Variants in ELMO2 observed in about 807,000 individuals in gnomAD.
The protein encoded by ELMO2 is engulfment and cell motility protein 2.
In ELMO2, 37 loss-of-function variants were observed where a neutral mutation model predicts 96.2. The observed-to-expected ratio is 0.38, with a 90% CI of 0.30 to 0.51. The LOEUF (loss-of-function observed/expected upper bound fraction) is 0.51. Among genes scored for constraint, ELMO2 ranks in the 20% least tolerant of loss-of-function variants. ELMO2 has a pLI of 0.88. For synonymous variants in ELMO2, 315 were observed against 329.4 expected (o/e 0.96, Z 0.47); for missense variants, 561 against 912.6 (o/e 0.61, Z 4.96).
chr20:46,399,889 G>A (rs1052546815), intron 1 of ELMO2, among the ~76,000 whole-genome samples: 5 of 152,182 alleles, frequency 3.3e-5, no homozygotes, highest in Non-Finnish European at 5.9e-5. Context: ...TTGGCTGGGC[G>A]CAGTGGCTCA....
At chr20:46,373,877 CA>C (rs1164210713) in intron 15 of ELMO2, among the ~76,000 whole-genome samples, 1 of 147,346 alleles carries the variant, frequency 6.8e-6, no homozygotes, top group Non-Finnish European at 1.5e-5. Flanking sequence ...TGATTTAAAA[CA>C]AAAAACAAAA....
rs760666181 is a variant in ELMO2, at chr20:46,389,184, A to C, written c.280T>G (p.Ser94Ala). The part of the protein sequence containing the change: ...AARQLMERTQ[S>A]SNMETRLDAM... The stretch of plus-strand genomic sequence containing the variant: ...TCCAGCCGGGTCTCCATGTTGGATG[A>C]CTGGGTCCTCTCCATCAGCTGGCGT... Residue 94 changes from serine to alanine, a missense_variant, in exon 7 of 22, where the codon TCA becomes GCA. Transcript: ENST00000290246. 1 of 1,614,020 alleles carries C rather than the reference A, an allele frequency of 6.2e-7. No individual in the cohort carries two copies. Among genetic ancestry groups the C allele is most frequent in the Non-Finnish European group, 8.5e-7 (1 of 1,180,016 alleles).
chr20:46,374,285 C>T (rs756081172), intron 15 of ELMO2, 47 bp downstream of exon 15: 2 of 1,515,510 alleles, frequency 1.3e-6, no homozygotes, highest in Non-Finnish European at 9.1e-7. Context: ...TCACTGAGCT[C>T]TTGATGACAA....
At chr20:46,380,820 T>C (rs1182070607) in intron 10 of ELMO2, among the ~76,000 whole-genome samples, 4 of 152,242 alleles carry the variant, frequency 2.6e-5, no homozygotes, top group Non-Finnish European at 5.9e-5. Flanking sequence ...GATTCCGTTC[T>C]AACTGGCTTA....
rs757334097 is a variant in ELMO2, at chr20:46,389,085, T to C, written c.379A>G (p.Ile127Val). ...CTTTCCACGAGCCTTGTCAGCACAA[T>C]GATGCCATCCATGTTGATGAACTCA... ...ATEFINMDGI[I>V]VLTRLVESGT... Residue 127 changes from isoleucine (I) to valine (V), a missense_variant, in exon 7 of 22, where the codon ATT (isoleucine) becomes GTT (valine). Ile to Val is a conservative substitution (Grantham distance 29). Transcript: ENST00000290246. The C allele has an allele frequency of 3.1e-6, 5 of 1,614,202 alleles. No homozygotes were observed. The highest frequency in any genetic ancestry group is 4.2e-6 in the Non-Finnish European group (5 of 1,180,010).
intron 8 of ELMO2, among the ~76,000 whole-genome samples, 178 bp downstream of exon 8, chr20:46,387,160 A>G (rs1020592055): frequency 6.6e-6 from 1 of 152,172 alleles, no homozygotes; most frequent in African/African-American, 2.4e-5. Context: ...CCCTGAGAAT[A>G]TAACAAAATG....
chr20:46,373,330 G>A (rs2059769980), intron 16 of ELMO2, 69 bp downstream of exon 16: 9 of 1,588,478 alleles, frequency 5.7e-6, no homozygotes, highest in Non-Finnish European at 7.7e-6. Flanking sequence ...CCAGGTGCCA[G>A]CCAGCTGTCA....
chr20:46,393,063 A>G, intron 6 of ELMO2, 30 bp downstream of exon 6: 1 of 1,607,138 alleles, frequency 6.2e-7, no homozygotes, highest in South Asian at 1.1e-5. Context: ...TGTGACATGA[A>G]TAAACTCCTA....
At chr20:46,382,428 C>T (rs2059973364) in intron 10 of ELMO2, among the ~76,000 whole-genome samples, 1 of 152,184 alleles carries the variant, frequency 6.6e-6, no homozygotes, top group African/African-American at 2.4e-5. Flanking sequence ...TACATGATCC[C>T]ACTTGAATTT....
At chr20:46,387,494 G>C in intron 7 of ELMO2, 57 bp from the exon 8 acceptor site, 8 of 1,411,002 alleles carry the variant, frequency 5.7e-6, no homozygotes, top group Non-Finnish European at 8.0e-6. Context: ...GGGAAACACA[G>C]GTGTGAGGGC....
In ELMO2 at chr20:46,371,334, A is replaced by C. The variant is rs747289173; in HGVS notation, c.1801+18T>G. ...CAAGTCCAGCAACCATGACACATCA[A>C]CAGAGAAATGAACCTACTTTTCTCC... On this transcript the variant is annotated intron_variant, in intron 19 of 21. Coordinates refer to ENST00000290246, the MANE Select transcript of ELMO2 (RefSeq NM_133171.5). The surrounding 1 kb of genome is among the most constrained non-coding windows in gnomAD (Gnocchi z 5.9). 1.9e-6 allele frequency: 3 copies of C among 1,611,718 alleles called. No homozygotes were observed. Among genetic ancestry groups the C allele is most frequent in the Non-Finnish European group, 2.5e-6 (3 of 1,177,892 alleles).
At chr20:46,401,685 C>T (rs571551646) in intron 1 of ELMO2, among the ~76,000 whole-genome samples, 17 of 152,192 alleles carry the variant, frequency 1.1e-4, no homozygotes, top group Non-Finnish European at 2.4e-4. Context: ...CATGTTCTCA[C>T]CAGACCACCT....
intron 13 of ELMO2, 71 bp from the exon 14 acceptor site, chr20:46,374,711 T>C (rs879533562): frequency 2.6e-5 from 35 of 1,340,568 alleles, no homozygotes; most frequent in Non-Finnish European, 3.5e-5. Context: ...GGGGATGCCC[T>C]CTCGCCTCTC....
Position 46,367,037 on chromosome 20 carries a change from G to A in ELMO2, c.*323C>T, listed in dbSNP as rs973141407. On this transcript the variant is annotated 3_prime_UTR_variant, in exon 22 of 22. Coordinates refer to ENST00000290246, the MANE Select transcript of ELMO2 (RefSeq NM_133171.5). ...CAGAGAGCAGGCTCAGGAGGAAAAG[G>A]TGAGTGGCTGTTGTTAAATCCATTT... 4.6e-6 allele frequency: 1 copy of A among 217,384 alleles called. No individual in the cohort carries two copies. The highest frequency in any genetic ancestry group is 9.0e-6 in the Non-Finnish European group (1 of 111,164). 13.5% of individuals were successfully genotyped at this position (217,384 alleles called of 1,614,324 possible).
At chr20:46,403,154 A>G (rs1055235314) in intron 1 of ELMO2, among the ~76,000 whole-genome samples, 4 of 152,262 alleles carry the variant, frequency 2.6e-5, no homozygotes, top group Non-Finnish European at 5.9e-5. Context: ...CCAACACAGT[A>G]AGCCCTACCT....
intron 6 of ELMO2, among the ~76,000 whole-genome samples, chr20:46,389,885 T>C (rs2060121310): frequency 6.6e-6 from 1 of 151,918 alleles, no homozygotes; most frequent in Non-Finnish European, 1.5e-5. Flanking sequence ...TCAGGTACAG[T>C]GGCTTACACC....
intron 21 of ELMO2, among the ~76,000 whole-genome samples, chr20:46,368,173 C>T (rs991383997): frequency 6.6e-6 from 1 of 152,116 alleles, no homozygotes; most frequent in Non-Finnish European, 1.5e-5. Context: ...TCTTCATTTC[C>T]TCTCAACCAA....
At chr20:46,382,136 G>T in intron 10 of ELMO2, 1 of 1,244,398 alleles carries the variant, frequency 8.0e-7, no homozygotes, top group South Asian at 1.2e-5. Flanking sequence ...CAGACCATGA[G>T]ATTCTTGCCT....
In ELMO2 at chr20:46,373,531, A is replaced by C; in HGVS notation, c.1284T>G (p.Asn428Lys). Residue 428 changes from asparagine to lysine, a missense_variant, in exon 16 of 22, where the codon AAT becomes AAG. Physicochemically the swap from Asn to Lys is moderately conservative, Grantham distance 94. Transcript: ENST00000290246. ...TCGGGTGGTAGTCATTGCGTCCTTC[A>C]TTTGCTGTGGAAGTGAAAAAACAGG... is the stretch of plus-strand genomic sequence containing the variant. ...CEILQVGELP[N>K]EGRNDYHPMF... 6.2e-7 allele frequency: 1 copy of C among 1,613,916 alleles called. No homozygotes were observed. The highest frequency in any genetic ancestry group is 8.5e-7 in the Non-Finnish European group (1 of 1,179,844).
Sources: allele counts gnomAD v4.1 joint callset (sites outside exome capture counted in the v4.1 genomes callset), GRCh38; gene constraint gnomAD v4.1.1; non-coding constraint Gnocchi (gnomAD v3.1); transcripts MANE v1.5; gene names NCBI Gene and HGNC (gene_info 2026-07-23, HGNC 2026-07-21).